The following NOL4 variants were observed in gnomAD, a reference collection of about 807,000 sequenced individuals.
NOL4 encodes the protein nucleolar protein 4.
NOL4 carries 17 observed loss-of-function variants against 75.9 expected under a neutral mutation model. The ratio of observed to expected loss-of-function variants is 0.22; its 90% CI spans 0.15 to 0.34. The LOEUF (loss-of-function observed/expected upper bound fraction) is 0.34, where lower values mean the gene tolerates loss of function less well. NOL4 is among the 10% of genes least tolerant of loss of function. The pLI, the probability that NOL4 is intolerant of heterozygous loss-of-function variation, is 1.00. For synonymous variants in NOL4, 292 were observed against 289.9 expected, an observed-to-expected ratio of 1.01 and a Z score of -0.07; for missense variants, 614 against 793.5, an observed-to-expected ratio of 0.77 and a Z score of 2.72.
At chr18:33,989,933 A>G (rs2072792049) in intron 6 of NOL4, among the ~76,000 whole-genome samples, 1 of 152,084 alleles carries the variant, frequency 6.6e-6, no homozygotes, top group Non-Finnish European at 1.5e-5. Flanking sequence ...AATATAAATG[A>G]GTTGATTATT....
Position 34,104,964 on chromosome 18 carries a change from T to C in NOL4, c.526+85A>G, listed in dbSNP as rs2079202022. 4 of 833,806 alleles carry C rather than the reference T, an allele frequency of 4.8e-6. No homozygotes were observed. The East Asian group carries it at 7.5e-5, about 16-fold the overall frequency. The allele number at this position is 833,806 out of a possible 1,614,324, so 51.7% of individuals were successfully genotyped here. A position where few individuals can be genotyped will look rare whatever the true frequency, so the allele number is the denominator to read the frequency against. On this transcript the variant is annotated intron_variant, in intron 3 of 10. Transcript: ENST00000261592. ...TCTGACTTGTTGAACTGTTTCAGTC[T>C]ACCACGTTTTTATAAAAATGTGAGA...
intron 2 of NOL4, among the ~76,000 whole-genome samples, chr18:34,105,848 C>A (rs1319613062): frequency 6.6e-6 from 1 of 151,834 alleles, no homozygotes; most frequent in African/African-American, 2.4e-5. Flanking sequence ...GTTTTCAGAA[C>A]CATAATCTAG....
chr18:34,153,781 T>G (rs983073912), intron 1 of NOL4, among the ~76,000 whole-genome samples: 1 of 152,024 alleles, frequency 6.6e-6, no homozygotes, highest in African/African-American at 2.4e-5. Context: ...GAAATTAATT[T>G]CTCTTTCATC....
chr18:34,098,203 G>C (rs1164173520), intron 4 of NOL4, among the ~76,000 whole-genome samples: 1 of 152,080 alleles, frequency 6.6e-6, no homozygotes, highest in Non-Finnish European at 1.5e-5. Flanking sequence ...GGCTGGTTTT[G>C]TTATTTGCTT....
chr18:34,076,407 G>A (rs2077747409), intron 5 of NOL4, among the ~76,000 whole-genome samples: 1 of 152,150 alleles, frequency 6.6e-6, no homozygotes, highest in Admixed American at 6.6e-5. Flanking sequence ...TTACTCCAAA[G>A]GTCATCCTGA....
At chr18:34,126,154 A>T (rs961891641) in intron 2 of NOL4, among the ~76,000 whole-genome samples, 1 of 152,210 alleles carries the variant, frequency 6.6e-6, no homozygotes, top group Non-Finnish European at 1.5e-5. Flanking sequence ...GGAGAGAAGT[A>T]ACACCAATCA....
intron 1 of NOL4, among the ~76,000 whole-genome samples, chr18:34,146,466 C>A (rs780957592): frequency 9.2e-5 from 14 of 152,120 alleles, no homozygotes; most frequent in Non-Finnish European, 1.8e-4. Flanking sequence ...TTCCCAACAT[C>A]ATTTATTAAA....
At chr18:34,070,454 T>G (rs934414941) in intron 5 of NOL4, among the ~76,000 whole-genome samples, 1 of 152,228 alleles carries the variant, frequency 6.6e-6, no homozygotes, top group Non-Finnish European at 1.5e-5. Flanking sequence ...CTCTTCTCAT[T>G]TGTTGATTTT....
intron 9 of NOL4, among the ~76,000 whole-genome samples, chr18:33,896,125 C>CA (rs1276855389): frequency 6.6e-5 from 10 of 151,964 alleles, no homozygotes; most frequent in African/African-American, 2.4e-4. Context: ...ATGAGAATTA[C>CA]AAAACACTTC....
chr18:33,911,971 A>G (rs968071972), intron 9 of NOL4, among the ~76,000 whole-genome samples: 1 of 152,242 alleles, frequency 6.6e-6, no homozygotes, highest in East Asian at 1.9e-4. Context: ...GTAGGAAAAT[A>G]ATGTCTCCTG....
rs527670455 is a variant in NOL4, at chr18:34,208,718, C to T, written c.264+14272G>A. 4.6e-5 allele frequency among the ~76,000 whole-genome samples: 7 copies of T among 151,836 alleles called. No homozygotes were observed. The East Asian group carries it at 1.2e-3, about 25-fold the overall frequency. On this transcript the variant is annotated intron_variant, in intron 1 of 10. Coordinates refer to ENST00000261592, the MANE Select transcript of NOL4 (RefSeq NM_003787.5). ...TAAAATCACCAAAAAAAAAATGATC[C>T]GGGCATGGTGGCGCATGCCTGTAGC...
At chr18:33,992,309 C>T (rs918571486) in intron 6 of NOL4, among the ~76,000 whole-genome samples, 37 of 151,946 alleles carry the variant, frequency 2.4e-4, no homozygotes, top group African/African-American at 8.5e-4. Context: ...TTATGGATGT[C>T]TTTTTAAATT....
rs114905186 is a variant in NOL4 at position 34,013,606 on chromosome 18, A to G, written c.1056+5712T>C. The stretch of plus-strand genomic sequence containing the variant: ...CCTTACCTCAGTGCTCTGTTCATCA[A>G]TGTTCCTCTGTTTGGAATTCTCTAT... On this transcript the variant is annotated intron_variant, in intron 6 of 10. Coordinates refer to ENST00000261592, the MANE Select transcript of NOL4 (RefSeq NM_003787.5). Among the ~76,000 whole-genome samples the G allele has an allele frequency of 4.8e-3, 728 of 152,000 alleles. 8 individuals are homozygous for G. Among genetic ancestry groups the G allele is most frequent in the African/African-American group, 0.017 (704 of 41,520 alleles).
chr18:33,905,339 G>A (rs1361019957), intron 9 of NOL4, among the ~76,000 whole-genome samples: 2 of 152,108 alleles, frequency 1.3e-5, no homozygotes, highest in African/African-American at 4.8e-5. Flanking sequence ...ACTGTTAGAG[G>A]TGCTGCTGAA....
chr18:34,067,540 G>A (rs2077333374), intron 5 of NOL4, among the ~76,000 whole-genome samples: 1 of 152,046 alleles, frequency 6.6e-6, no homozygotes, highest in Admixed American at 6.6e-5. Flanking sequence ...ATGATGAGAT[G>A]GTTTGGACTA....
intron 9 of NOL4, among the ~76,000 whole-genome samples, chr18:33,921,148 T>A (rs2067013882): frequency 6.6e-6 from 1 of 152,212 alleles, no homozygotes; most frequent in South Asian, 2.1e-4. Context: ...ACATGTTTTC[T>A]AGGTTTCACA....
chr18:34,224,027 T>C lies in NOL4; in HGVS notation c.-774A>G, dbSNP rs1338967253. ...TTTGAATAAATTCCAGCCCTGTATG[T>C]AGATTCTACGAGTTAAGTCCCAGAA... is the stretch of plus-strand genomic sequence containing the variant. On this transcript the variant is annotated 5_prime_UTR_variant, in exon 1 of 11. Coordinates refer to ENST00000261592, the MANE Select transcript of NOL4 (RefSeq NM_003787.5). The C allele has an allele frequency of 1.3e-5, 2 of 152,282 alleles. No individual in the cohort carries two copies. Among genetic ancestry groups the C allele is most frequent in the African/African-American group, 4.8e-5 (2 of 41,478 alleles). The allele number at this position is 152,282 out of a possible 1,614,324, so 9.4% of individuals were successfully genotyped here.
chr18:34,071,100 G>C (rs1242896366), intron 5 of NOL4, among the ~76,000 whole-genome samples: 1 of 152,098 alleles, frequency 6.6e-6, no homozygotes, highest in Admixed American at 6.6e-5. Context: ...AAGATTCTGA[G>C]TGTTCTCACC....
At chr18:34,012,179 G>C (rs2074411478) in intron 6 of NOL4, among the ~76,000 whole-genome samples, 1 of 151,846 alleles carries the variant, frequency 6.6e-6, no homozygotes, top group Non-Finnish European at 1.5e-5. Context: ...ACACTGATTT[G>C]GGTGTTAGGT....
Sources: gnomAD v4.1 joint callset for allele counts (sites outside exome capture counted in the v4.1 genomes callset) on GRCh38, gnomAD v4.1.1 for gene constraint, MANE v1.5 for transcripts, NCBI Gene and HGNC (gene_info 2026-07-23, HGNC 2026-07-21) for gene names.